Variants in GRID2 observed in about 807,000 individuals in gnomAD.
GRID2 encodes the protein glutamate ionotropic receptor delta type subunit 2, also known as glutamate receptor ionotropic, delta-2.
Under a neutral mutation model 114.8 loss-of-function variants are expected in GRID2, and 33 were observed. The ratio of observed to expected loss-of-function variants is 0.29; its 90% confidence interval spans 0.22 to 0.38. The LOEUF is 0.38. Ranked by LOEUF, GRID2 falls within the 10% of genes least tolerant of loss-of-function variation. GRID2 has a pLI of 1.00. For missense variants in GRID2, 1,184 were observed against 1,257.7 expected (o/e 0.94, Z 0.89); for synonymous variants, 505 against 449.9 (o/e 1.12, Z -1.55).
chr4:92,806,596 G>T (rs889576944), intron 2 of GRID2, among the ~76,000 whole-genome samples: 1 of 151,386 alleles, frequency 6.6e-6, no homozygotes, highest in South Asian at 2.1e-4. Flanking sequence ...TGATAATTAG[G>T]ACCTAAGATA....
In GRID2 at chr4:93,712,269, T is replaced by C. The variant is rs140367505; in HGVS notation, c.2361-56941T>C. On this transcript the variant is annotated intron_variant, in intron 14 of 15. Coordinates refer to ENST00000282020, the MANE Select transcript of GRID2 (RefSeq NM_001510.4). ...TTCTTATTTCTGTTCTTTTTCACAT[T>C]TTATCTTTAATCTACTTGGAATCTA... Among the ~76,000 whole-genome samples the C allele has an allele frequency of 5.3e-3, 814 of 152,238 alleles. 7 individuals carry two copies. The highest frequency in any genetic ancestry group is 0.019 in the African/African-American group (771 of 41,562).
chr4:93,042,407 C>CAT (rs1400844689), intron 2 of GRID2, among the ~76,000 whole-genome samples: 1 of 146,438 alleles, frequency 6.8e-6, no homozygotes, highest in African/African-American at 2.5e-5. Flanking sequence ...TACATACATA[C>CAT]ATATATACAT....
intron 3 of GRID2, 46 bp downstream of exon 3, chr4:93,085,325 TGAGAA>T: frequency 7.1e-7 from 1 of 1,409,596 alleles, no homozygotes; most frequent in Non-Finnish European, 1.0e-6. Flanking sequence ...GATATTTGCA[TGAGAA>T]GCAAATTCAT....
Position 92,694,485 on chromosome 4 carries a change from C to T in GRID2, c.244+104199C>T, listed in dbSNP as rs116392813. Among the ~76,000 whole-genome samples, 5 of 152,086 alleles carry T rather than the reference C, an allele frequency of 3.3e-5. No individual in the cohort carries two copies. In the South Asian group the frequency reaches 6.2e-4, roughly 19 times the overall value. On this transcript the variant is annotated intron_variant, in intron 2 of 15. Coordinates refer to ENST00000282020, the MANE Select transcript of GRID2 (RefSeq NM_001510.4). ...ACTGAGACTGGACCCTGGTGGGCTG[C>T]CTCTCCAGTCTGTGTCCTCAACCCT...
At chr4:92,704,801 C>T (rs1734880285) in intron 2 of GRID2, among the ~76,000 whole-genome samples, 1 of 149,898 alleles carries the variant, frequency 6.7e-6, no homozygotes, top group African/African-American at 2.5e-5. Context: ...GGGGCCCTCC[C>T]CTTCCCTCTT....
At chr4:92,335,836 G>A (rs895444223) in intron 1 of GRID2, among the ~76,000 whole-genome samples, 11 of 152,144 alleles carry the variant, frequency 7.2e-5, no homozygotes, top group Admixed American at 5.9e-4. Flanking sequence ...TTGATTCCAA[G>A]CATTGGTTTA....
chr4:93,140,146 CTTTCT>C (rs1220442854), intron 4 of GRID2, among the ~76,000 whole-genome samples: 4 of 138,808 alleles, frequency 2.9e-5, no homozygotes, highest in African/African-American at 8.3e-5. Flanking sequence ...ATATCATTTT[CTTTCT>C]TTTCTTTTCT....
chr4:93,612,681 G>A (rs1312530780), intron 13 of GRID2, among the ~76,000 whole-genome samples: 5 of 104,038 alleles, frequency 4.8e-5, no homozygotes, highest in Non-Finnish European at 1.0e-4. Flanking sequence ...CAAGAGATCC[G>A]CTGTTAGTCT....
In GRID2 at chr4:92,880,782, C is replaced by T. The variant is rs1018212975; in HGVS notation, c.245-204213C>T. 2.6e-5 allele frequency among the ~76,000 whole-genome samples: 4 copies of T among 152,248 alleles called. 1 individual carries two copies. The highest frequency in any genetic ancestry group is 9.6e-5 in the African/African-American group (4 of 41,546). On this transcript the variant is annotated intron_variant, in intron 2 of 15. Transcript: ENST00000282020. ...TTCTGCCCAGGCTGGAGTGCAATGA[C>T]GCTATCTTGGCTGGCTACAACCTCT...
chr4:92,703,192 A>G (rs1039907032), intron 2 of GRID2, among the ~76,000 whole-genome samples: 2 of 152,194 alleles, frequency 1.3e-5, no homozygotes, highest in Non-Finnish European at 2.9e-5. Context: ...AAACATGGTA[A>G]TAAATAAATG....
chr4:92,527,703 A>G (rs1725113855), intron 1 of GRID2, among the ~76,000 whole-genome samples: 1 of 151,934 alleles, frequency 6.6e-6, no homozygotes, highest in African/African-American at 2.4e-5. Context: ...TTAGTAGCAT[A>G]AGACAAACCT....
intron 13 of GRID2, among the ~76,000 whole-genome samples, chr4:93,532,904 T>C (rs1374426858): frequency 2.0e-5 from 3 of 152,198 alleles, no homozygotes; most frequent in Non-Finnish European, 4.4e-5. Context: ...TGCATATTAT[T>C]TGATAATATA....
At chr4:92,695,666 G>A (rs1339507041) in intron 2 of GRID2, among the ~76,000 whole-genome samples, 1 of 152,034 alleles carries the variant, frequency 6.6e-6, no homozygotes, top group East Asian at 1.9e-4. Context: ...TGTCTATACT[G>A]TATCTATTAC....
At chr4:92,977,876 A>G (rs1753967817) in intron 2 of GRID2, among the ~76,000 whole-genome samples, 1 of 152,154 alleles carries the variant, frequency 6.6e-6, no homozygotes, top group South Asian at 2.1e-4. Context: ...CTAGGAGAAA[A>G]ACAGAAATGG....
At chr4:93,191,654 A>G (rs2149447904) in intron 4 of GRID2, among the ~76,000 whole-genome samples, 1 of 152,182 alleles carries the variant, frequency 6.6e-6, no homozygotes, top group South Asian at 2.1e-4. Flanking sequence ...ATAGCAATAA[A>G]CATTTATTTT....
chr4:92,966,011 G>C (rs1468405460), intron 2 of GRID2, among the ~76,000 whole-genome samples: 1 of 151,908 alleles, frequency 6.6e-6, no homozygotes, highest in Non-Finnish European at 1.5e-5. Context: ...AGACTTACAG[G>C]ACAATAAACT....
intron 2 of GRID2, among the ~76,000 whole-genome samples, chr4:92,709,811 C>T (rs898074678): frequency 2.0e-5 from 3 of 151,574 alleles, no homozygotes; most frequent in Non-Finnish European, 4.4e-5. Context: ...AATATATTTC[C>T]TTTCTCAGAT....
chr4:92,619,293 A>C (rs62307900), intron 2 of GRID2, among the ~76,000 whole-genome samples: 8,411 of 151,694 alleles, frequency 0.055, 299 homozygotes, highest in East Asian at 0.16. Context: ...TATGTTGGAG[A>C]AGCAATATGT....
At chr4:92,756,979 GT>G (rs1282097455) in intron 2 of GRID2, among the ~76,000 whole-genome samples, 1 of 151,930 alleles carries the variant, frequency 6.6e-6, no homozygotes, top group Admixed American at 6.6e-5. Flanking sequence ...GTCTGTCTTC[GT>G]TTTGTTTCCT....
Sources: gnomAD v4.1 joint callset for allele counts (sites outside exome capture counted in the v4.1 genomes callset) on GRCh38, gnomAD v4.1.1 for gene constraint, MANE v1.5 for transcripts, NCBI Gene and HGNC (gene_info 2026-07-23, HGNC 2026-07-21) for gene names.